The following ZNF808 variants were observed in gnomAD, a reference collection of about 807,000 sequenced individuals.
The protein encoded by ZNF808 is zinc finger protein 808.
In ZNF808, 5 loss-of-function variants were observed where a neutral mutation model predicts 8.7. The ratio of observed to expected loss-of-function variants is 0.58; its 90% CI spans 0.30 to 1.21. ZNF808 has a LOEUF of 1.21. Ranked by LOEUF, ZNF808 falls within the 50% of genes most tolerant of loss-of-function variation. ZNF808 has a pLI of 0.07. For missense variants in ZNF808, 1,103 were observed against 1,098.4 expected (o/e 1.00, Z -0.06); for synonymous variants, 380 against 366.0 (o/e 1.04, Z -0.44).
intron 3 of ZNF808, among the ~76,000 whole-genome samples, chr19:52,546,433 C>T (rs570355412): frequency 1.3e-5 from 2 of 152,178 alleles, no homozygotes; most frequent in East Asian, 1.9e-4. Context: ...GATCCACCTG[C>T]CTTGGCCTCC....
Position 52,532,732 on chromosome 19 carries a change from G to A in ZNF808, c.-121-176G>A, listed in dbSNP as rs867377625. Among the ~76,000 whole-genome samples the A allele has an allele frequency of 2.9e-4, 33 of 114,146 alleles. No individual in the cohort carries two copies. The Middle Eastern group carries it at 0.014, about 47-fold the overall frequency. 74.9% of individuals were successfully genotyped at this position (114,146 alleles called of 152,430 possible). On this transcript the variant is annotated intron_variant, in intron 1 of 4. Coordinates refer to ENST00000359798, the MANE Select transcript of ZNF808 (RefSeq NM_001039886.4). ...TCCATAGAAATGATTTGAAGTACAC[G>A]TAAAGTATTTATTAAGTATTTATTA...
intron 1 of ZNF808, among the ~76,000 whole-genome samples, chr19:52,532,348 C>A (rs1332932962): frequency 6.6e-6 from 1 of 151,928 alleles, no homozygotes; most frequent in African/African-American, 2.4e-5. Flanking sequence ...GCCTCTGCCT[C>A]CTGAGTAGCT....
intron 3 of ZNF808, among the ~76,000 whole-genome samples, chr19:52,546,931 T>G (rs1262847921): frequency 7.3e-6 from 1 of 137,532 alleles, no homozygotes; most frequent in Non-Finnish European, 1.6e-5. Context: ...CGAGAGCCAT[T>G]GCCTGGAATT....
chr19:52,564,450 G>C (rs1393086452), exon 4 of ZNF808: 1 of 248,618 alleles, frequency 4.0e-6, no homozygotes, highest in East Asian at 8.8e-5. Context: ...TGACATAATA[G>C]ATTACCTAAA....
downstream of ZNF808, among the ~76,000 whole-genome samples, chr19:52,567,306 GGC>G (rs2059875202): frequency 6.6e-6 from 1 of 151,832 alleles, no homozygotes; most frequent in South Asian, 2.1e-4. Context: ...TCAGCCCACT[GGC>G]AGGTAGACAT....
Position 52,555,461 on chromosome 19 carries a change from T to C in ZNF808, c.2545T>C (p.Cys849Arg). 6.2e-7 allele frequency: 1 copy of C among 1,614,092 alleles called. No individual in the cohort carries two copies. Among genetic ancestry groups the C allele is most frequent in the Non-Finnish European group, 8.5e-7 (1 of 1,179,980 alleles). The change falls in exon 5 of 5, where the codon TGT (cysteine) becomes CGT (arginine). Residue 849 changes from cysteine (C) to arginine (R), a missense_variant. Coordinates refer to ENST00000359798, the MANE Select transcript of ZNF808 (RefSeq NM_001039886.4). ...RIHTGEKPYK[C>R]EACDKVFSRK... Reference sequence around the variant, plus strand: ...TCATACTGGAGAGAAACCTTACAAATGTGAAGCATGTGACAAAGTTTTCAG... The same window carrying C: ...TCATACTGGAGAGAAACCTTACAAACGTGAAGCATGTGACAAAGTTTTCAG...
At chr19:52,568,068 C>T (rs1294163631), downstream of ZNF808, among the ~76,000 whole-genome samples, 2 of 152,130 alleles carry the variant, frequency 1.3e-5, no homozygotes, top group African/African-American at 2.4e-5. Context: ...GGCATGCAGG[C>T]GCAACTTCTA....
rs373324457 is a variant in ZNF808 at position 52,555,116 on chromosome 19, C to A, written c.2200C>A (p.Pro734Thr). Reference protein sequence around the residue: ...CHRRIHSGEKPYKCSECSKTF... With the variant: ...CHRRIHSGEKTYKCSECSKTF... Reference sequence around the variant, plus strand: ...TCGTAGAATTCATAGTGGTGAGAAACCTTACAAGTGTAGTGAGTGCAGCAA... The same window carrying A: ...TCGTAGAATTCATAGTGGTGAGAAAACTTACAAGTGTAGTGAGTGCAGCAA... The change falls in exon 5 of 5, where the codon CCT becomes ACT. Residue 734 changes from proline to threonine, a missense_variant. Physicochemically the swap from Pro to Thr is conservative, Grantham distance 38. Coordinates refer to ENST00000359798, the MANE Select transcript of ZNF808 (RefSeq NM_001039886.4). 1.9e-6 allele frequency: 3 copies of A among 1,614,060 alleles called. No homozygotes were observed. Among genetic ancestry groups the A allele is most frequent in the Non-Finnish European group, 2.5e-6 (3 of 1,180,016 alleles).
chr19:52,533,319 C>T (rs1434497940), intron 2 of ZNF808, among the ~76,000 whole-genome samples: 3 of 151,986 alleles, frequency 2.0e-5, no homozygotes, highest in Non-Finnish European at 4.4e-5. Context: ...TTCCATCTCC[C>T]AGGTACATGA....
Position 52,554,101 on chromosome 19 carries a change from A to G in ZNF808, c.1185A>G (p.Gly395=). Residue 395 remains glycine (G), a synonymous_variant, in exon 5 of 5, where the codon GGA becomes GGG. Transcript: ENST00000359798. ...CAAACCATACTAGAATTCATAGTGGAGAGAAAACATACAAGTGTAATGAGT... is the reference window on the plus strand; with the variant it reads ...CAAACCATACTAGAATTCATAGTGGGGAGAAAACATACAAGTGTAATGAGT... ...YLANHTRIHS[G]EKTYKCNECG... The G allele has an allele frequency of 1.2e-6, 2 of 1,614,184 alleles. No homozygotes were observed. Among genetic ancestry groups the G allele is most frequent in the Non-Finnish European group, 1.7e-6 (2 of 1,180,022 alleles).
chr19:52,542,597 T>TA (rs11452989), intron 2 of ZNF808, among the ~76,000 whole-genome samples: 100,282 of 151,870 alleles, frequency 0.66, 34,766 homozygotes, highest in African/African-American at 0.88. Context: ...AGATCTCAGT[T>TA]ATTTAGAGAG....
chr19:52,554,511 T>G lies in ZNF808; in HGVS notation c.1595T>G (p.Leu532Arg), dbSNP rs1488644653. ...GCATCCCTTGTATACCATCGTAGAC[T>G]TCACACTCTAGAGAAATCTTACAAA... is the stretch of plus-strand genomic sequence containing the variant. ...HRASLVYHRR[L>R]HTLEKSYKCT... Residue 532 changes from leucine (L) to arginine (R), a missense_variant, in exon 5 of 5, where the codon CTT becomes CGT. Physicochemically the swap from Leu to Arg is moderately radical, Grantham distance 102 (BLOSUM62 -2). Coordinates refer to ENST00000359798, the MANE Select transcript of ZNF808 (RefSeq NM_001039886.4). 3 of 1,614,064 alleles carry G rather than the reference T, an allele frequency of 1.9e-6. No individual in the cohort carries two copies. The African/African-American group carries it at 4.0e-5, about 22-fold the overall frequency.
downstream of ZNF808, among the ~76,000 whole-genome samples, chr19:52,557,717 C>T (rs571942141): frequency 2.0e-5 from 3 of 152,260 alleles, no homozygotes; most frequent in Non-Finnish European, 4.4e-5. Flanking sequence ...AATTAACTGT[C>T]GGGAATCAAT....
downstream of ZNF808, chr19:52,564,577 G>A (rs2059868119): frequency 6.1e-6 from 1 of 163,058 alleles, no homozygotes; most frequent in African/African-American, 2.4e-5. Flanking sequence ...GAGACCAGGA[G>A]TTTCCTGGGA....
Position 52,553,819 on chromosome 19 carries a change from C to T in ZNF808, c.903C>T (p.Ser301=). ...ECGKSFSYKS[S]LTCHHRLHTG... ...GAAAGTCCTTCAGTTACAAGTCATC[C>T]CTTACATGCCATCATAGACTTCATA... The change falls in exon 5 of 5, where the codon TCC becomes TCT. Residue 301 remains serine, a synonymous_variant. Coordinates refer to ENST00000359798, the MANE Select transcript of ZNF808 (RefSeq NM_001039886.4). 1.9e-6 allele frequency: 3 copies of T among 1,614,098 alleles called. No individual in the cohort carries two copies. Among genetic ancestry groups the T allele is most frequent in the African/African-American group, 1.3e-5 (1 of 75,016 alleles).
downstream of ZNF808, among the ~76,000 whole-genome samples, chr19:52,565,797 T>A (rs1029280337): frequency 1.3e-5 from 2 of 152,190 alleles, no homozygotes; most frequent in African/African-American, 4.8e-5. Flanking sequence ...TATTTCACCT[T>A]CCCAGATCGA....
Position 52,554,591 on chromosome 19 carries a change from A to G in ZNF808, c.1675A>G (p.Arg559Gly). The G allele has an allele frequency of 2.5e-6, 4 of 1,613,684 alleles. No homozygotes were observed. The highest frequency in any genetic ancestry group is 1.1e-5 in the South Asian group (1 of 90,982). Residue 559 changes from arginine to glycine, a missense_variant, in exon 5 of 5, where the codon AGA (arginine) becomes GGA (glycine). Physicochemically the swap from Arg to Gly is moderately radical, Grantham distance 125 (BLOSUM62 -2). Coordinates refer to ENST00000359798, the MANE Select transcript of ZNF808 (RefSeq NM_001039886.4). ...TAATTCAGTCCTGGCTGTACATACT[A>G]GAATTCACACTGCAAAGAAACCTTA... ...MRNSVLAVHT[R>G]IHTAKKPYKC...
intron 2 of ZNF808, among the ~76,000 whole-genome samples, chr19:52,541,192 TGCCCGCCTCA>T (rs1320314965): frequency 1.3e-5 from 2 of 151,700 alleles, no homozygotes; most frequent in African/African-American, 4.8e-5. Flanking sequence ...CTTTGTGATC[TGCCCGCCTCA>T]GCCTCCCAAA....
At chr19:52,565,233 A>T (rs2123233160), downstream of ZNF808, among the ~76,000 whole-genome samples, 1 of 152,302 alleles carries the variant, frequency 6.6e-6, no homozygotes, top group Non-Finnish European at 1.5e-5. Context: ...AGCCAAGATC[A>T]CGCCAATGCA....
Sources: gnomAD v4.1 joint callset for allele counts (sites outside exome capture counted in the v4.1 genomes callset) on GRCh38, gnomAD v4.1.1 for gene constraint, MANE v1.5 for transcripts, NCBI Gene and HGNC (gene_info 2026-07-23, HGNC 2026-07-21) for gene names.